Variants in MAGI2 observed in about 807,000 individuals in gnomAD.
MAGI2 encodes membrane associated guanylate kinase, WW and PDZ domain containing 2.
In MAGI2, 35 loss-of-function variants were observed where a neutral mutation model predicts 133.3. The ratio of observed to expected loss-of-function variants is 0.26; its 90% CI spans 0.20 to 0.35. The LOEUF is 0.35. Ranked by LOEUF, MAGI2 falls within the 10% of genes least tolerant of loss-of-function variation. The pLI, the probability that MAGI2 is intolerant of heterozygous loss-of-function variation, is 1.00. For synonymous variants in MAGI2, 729 were observed against 710.6 expected (o/e 1.03, Z -0.41); for missense variants, 1,636 against 1,863.4 (o/e 0.88, Z 2.25).
At chr7:78,340,971 A>C (rs765623734) in intron 9 of MAGI2, among the ~76,000 whole-genome samples, 8 of 152,194 alleles carry the variant, frequency 5.3e-5, no homozygotes, top group African/African-American at 1.2e-4. Context: ...ATCAGGCAAA[A>C]GAAAGAAATA....
chr7:78,572,218 C>T (rs1384357977), intron 3 of MAGI2, among the ~76,000 whole-genome samples: 1 of 152,076 alleles, frequency 6.6e-6, no homozygotes, highest in Non-Finnish European at 1.5e-5. Context: ...TTACTAAGCT[C>T]CTCAGAGATT....
At chr7:78,951,836 AC>A (rs1390901424) in intron 2 of MAGI2, among the ~76,000 whole-genome samples, 2 of 152,160 alleles carry the variant, frequency 1.3e-5, no homozygotes, top group Non-Finnish European at 2.9e-5. Context: ...TCTCTGAAAT[AC>A]ATTGTAATCT....
chr7:79,353,912 G>A (rs28638796), intron 1 of MAGI2: 3,261 of 161,656 alleles, frequency 0.02, 102 homozygotes, highest in African/African-American at 0.075. Flanking sequence ...TGGGTGCTAC[G>A]GTGCTGGTGG....
intron 1 of MAGI2, among the ~76,000 whole-genome samples, chr7:79,258,348 A>G (rs1458869007): frequency 1.3e-5 from 2 of 152,212 alleles, no homozygotes; most frequent in African/African-American, 4.8e-5. Context: ...GTCAGTGCAC[A>G]TCTAACTAAT....
intron 6 of MAGI2, among the ~76,000 whole-genome samples, chr7:78,415,552 T>C (rs1311286469): frequency 3.9e-5 from 6 of 152,058 alleles, no homozygotes; most frequent in South Asian, 4.1e-4. Context: ...AAATATTATA[T>C]AATTTAGTAT....
At chr7:78,031,933 C>T (rs905522800) in intron 21 of MAGI2, among the ~76,000 whole-genome samples, 2 of 151,544 alleles carry the variant, frequency 1.3e-5, no homozygotes, top group African/African-American at 2.4e-5. Context: ...GATTAGTTCA[C>T]TTCTAGACTA....
At chr7:78,963,416 TAAAC>T (rs1562723448) in intron 2 of MAGI2, among the ~76,000 whole-genome samples, 1 of 152,120 alleles carries the variant, frequency 6.6e-6, no homozygotes, top group Non-Finnish European at 1.5e-5. Context: ...TGTGCTAAAA[TAAAC>T]ATCCTCAAAA....
At chr7:79,264,817 G>A (rs907053387) in intron 1 of MAGI2, among the ~76,000 whole-genome samples, 4 of 151,940 alleles carry the variant, frequency 2.6e-5, no homozygotes, top group African/African-American at 9.7e-5. Flanking sequence ...GGGAGCCGGA[G>A]TGTACAGAGG....
chr7:78,313,740 C>A (rs532750923), intron 9 of MAGI2, among the ~76,000 whole-genome samples: 1 of 152,022 alleles, frequency 6.6e-6, no homozygotes, highest in Admixed American at 6.6e-5. Flanking sequence ...AAAACTATAT[C>A]TGCTAAGCAA....
In MAGI2 at chr7:78,365,739, G is replaced by A. The variant is rs1459363570; in HGVS notation, c.1103+3417C>T. Among the ~76,000 whole-genome samples the A allele has an allele frequency of 2.6e-5, 4 of 152,176 alleles. No homozygotes were observed. In the East Asian group the frequency reaches 7.7e-4, roughly 29 times the overall value. On this transcript the variant is annotated intron_variant, in intron 7 of 21. Transcript: ENST00000354212. The stretch of plus-strand genomic sequence containing the variant: ...TGAATTTGCAGGGGATAGAACAGTG[G>A]CATAGTAGGGTAAAGTCAGTTATAG...
chr7:78,869,064 A>AT (rs1404499349), intron 2 of MAGI2, among the ~76,000 whole-genome samples: 5 of 152,116 alleles, frequency 3.3e-5, no homozygotes, highest in African/African-American at 1.2e-4. Flanking sequence ...CAATACATAC[A>AT]TTTTTAAAGG....
At chr7:78,510,355 A>G (rs1795462889) in intron 4 of MAGI2, among the ~76,000 whole-genome samples, 1 of 152,208 alleles carries the variant, frequency 6.6e-6, no homozygotes, top group Non-Finnish European at 1.5e-5. Context: ...TAAGGATTAG[A>G]TGAGACTTAT....
chr7:78,868,903 G>A (rs1392015488), intron 2 of MAGI2, among the ~76,000 whole-genome samples: 3 of 152,110 alleles, frequency 2.0e-5, no homozygotes, highest in East Asian at 3.9e-4. Context: ...ACAGGAGCCC[G>A]CCACAATGCC....
At chr7:79,103,290 T>G (rs1036166752) in intron 1 of MAGI2, among the ~76,000 whole-genome samples, 8 of 152,210 alleles carry the variant, frequency 5.3e-5, no homozygotes. Flanking sequence ...GGCATCTCTT[T>G]CACCTGAGTT....
intron 2 of MAGI2, among the ~76,000 whole-genome samples, chr7:78,882,120 CAAAA>C (rs369350656): frequency 5.1e-5 from 3 of 58,986 alleles, no homozygotes; most frequent in African/African-American, 1.8e-4. Flanking sequence ...AAAAGAAAAA[CAAAA>C]AAAAAAGAGA....
chr7:79,262,784 T>A (rs1834177200), intron 1 of MAGI2, among the ~76,000 whole-genome samples: 1 of 152,222 alleles, frequency 6.6e-6, no homozygotes, highest in Non-Finnish European at 1.5e-5. Flanking sequence ...ACATACACTG[T>A]TTTATGAAGT....
intron 1 of MAGI2, among the ~76,000 whole-genome samples, chr7:79,197,314 TA>T (rs1339810437): frequency 9.2e-5 from 14 of 151,760 alleles, no homozygotes; most frequent in African/African-American, 1.5e-4. Context: ...ATGCCTGAAA[TA>T]AAAAACCCGT....
rs549986374 is a variant in MAGI2, at chr7:78,470,545, G to A, written c.1045+19216C>T. Among the ~76,000 whole-genome samples, 15 of 151,780 alleles carry A rather than the reference G, an allele frequency of 9.9e-5. 1 individual carries two copies. In the Middle Eastern group the frequency reaches 0.01, roughly 104 times the overall value. ...AAAGCTAATATAATTCACCTTTTTC[G>A]TTCACCATTTCCTTCTGATGTAACA... On this transcript the variant is annotated intron_variant, in intron 6 of 21. Coordinates refer to ENST00000354212, the MANE Select transcript of MAGI2 (RefSeq NM_012301.4).
At position 78,955,758 on chromosome 7, in the gene MAGI2, TTTCTTTCTTTC is replaced by T. The variant is rs1352990911; in HGVS notation, c.418+51321_418+51331del. Among the ~76,000 whole-genome samples, 313 of 79,564 alleles carry T rather than the reference TTTCTTTCTTTC, an allele frequency of 3.9e-3. 7 individuals are homozygous for T. Among genetic ancestry groups the T allele is most frequent in the Middle Eastern group, 0.012 (2 of 166 alleles). 52.2% of individuals were successfully genotyped at this position (79,564 alleles called of 152,430 possible). On this transcript the variant is annotated intron_variant, in intron 2 of 21. Coordinates refer to ENST00000354212, the MANE Select transcript of MAGI2 (RefSeq NM_012301.4). ...CTTTCTTTCTTTCTTTCTTTCTTTC[TTTCTTTCTTTC>T]TTTCTTTCTTTCTTTCTTTCATTTC...
Sources: gnomAD v4.1 joint callset for allele counts (sites outside exome capture counted in the v4.1 genomes callset) on GRCh38, gnomAD v4.1.1 for gene constraint, MANE v1.5 for transcripts, NCBI Gene and HGNC (gene_info 2026-07-23, HGNC 2026-07-21) for gene names.